Variants in AFG2A observed in about 807,000 individuals in gnomAD.
AFG2A encodes the protein ATPase family gene 2 protein homolog A.
the AFG2A span, among the ~76,000 whole-genome samples, chr4:123,263,716 G>A: frequency 2.6e-5 from 4 of 152,116 alleles, no homozygotes; most frequent in Non-Finnish European, 4.4e-5. Flanking sequence ...AATAATAGAT[G>A]TTGGCGTGGA....
chr4:123,238,358 G>A, the AFG2A span, among the ~76,000 whole-genome samples: 3 of 152,328 alleles, frequency 2.0e-5, no homozygotes, highest in Non-Finnish European at 2.9e-5. Context: ...CTCTGAGAAC[G>A]GACAGACTGC....
At chr4:123,181,790 C>A in the AFG2A span, among the ~76,000 whole-genome samples, 1 of 151,926 alleles carries the variant, frequency 6.6e-6, no homozygotes, top group East Asian at 1.9e-4. Context: ...TCTTCTCTGG[C>A]TATTTTATGA....
the AFG2A span, among the ~76,000 whole-genome samples, chr4:123,209,992 T>C: frequency 0.026 from 3,905 of 152,262 alleles, 187 homozygotes; most frequent in African/African-American, 0.088. Context: ...CCCTAGACTT[T>C]GGTTCCGTCA....
the AFG2A span, among the ~76,000 whole-genome samples, chr4:123,080,436 T>C: frequency 6.6e-6 from 1 of 152,216 alleles, no homozygotes; most frequent in Non-Finnish European, 1.5e-5. Context: ...TTGTTTAAAC[T>C]ACTGAATTTA....
At chr4:123,107,900 C>T in the AFG2A span, among the ~76,000 whole-genome samples, 6 of 152,318 alleles carry the variant, frequency 3.9e-5, no homozygotes, top group South Asian at 2.1e-4. Flanking sequence ...CCAGAGCCTG[C>T]GCCACAATCG....
At chr4:123,033,025 G>A in the AFG2A span, among the ~76,000 whole-genome samples, 8 of 152,122 alleles carry the variant, frequency 5.3e-5, no homozygotes, top group Non-Finnish European at 8.8e-5. Context: ...GTAAATCAAG[G>A]AGCATCTGTA....
chr4:123,134,743 A>G, the AFG2A span, among the ~76,000 whole-genome samples: 1 of 152,104 alleles, frequency 6.6e-6, no homozygotes, highest in Non-Finnish European at 1.5e-5. Context: ...ACCAATAATT[A>G]GTAAGGAGAT....
the AFG2A span, among the ~76,000 whole-genome samples, chr4:123,194,265 A>G: frequency 5.3e-5 from 8 of 152,350 alleles, no homozygotes; most frequent in South Asian, 1.7e-3. Flanking sequence ...TGGAAGAAGA[A>G]TGGTCTTGGG....
the AFG2A span, among the ~76,000 whole-genome samples, chr4:123,005,619 C>T: frequency 6.6e-6 from 1 of 152,164 alleles, no homozygotes; most frequent in Admixed American, 6.5e-5. Flanking sequence ...CTAATCTAGG[C>T]ATTCAAAGCC....
chr4:123,105,896 G>A, the AFG2A span, among the ~76,000 whole-genome samples: 1 of 152,276 alleles, frequency 6.6e-6, no homozygotes, highest in Non-Finnish European at 1.5e-5. Flanking sequence ...GGTAACTGAG[G>A]ATTTAGTATA....
chr4:123,017,640 A>T, the AFG2A span, among the ~76,000 whole-genome samples: 1 of 151,840 alleles, frequency 6.6e-6, no homozygotes, highest in Non-Finnish European at 1.5e-5. Context: ...ATCTTTAGTA[A>T]TTTGGTACAC....
chr4:123,176,267 G>A, the AFG2A span, among the ~76,000 whole-genome samples: 1 of 152,160 alleles, frequency 6.6e-6, no homozygotes, highest in African/African-American at 2.4e-5. Context: ...CTGTCACAGA[G>A]TGGCCTCGTC....
chr4:123,185,674 T>G, the AFG2A span, among the ~76,000 whole-genome samples: 1 of 152,154 alleles, frequency 6.6e-6, no homozygotes, highest in Non-Finnish European at 1.5e-5. Context: ...GATAGATATG[T>G]TTTTTTCTTA....
At chr4:123,002,190 G>T in the AFG2A span, among the ~76,000 whole-genome samples, 1 of 151,624 alleles carries the variant, frequency 6.6e-6, no homozygotes, top group Non-Finnish European at 1.5e-5. Flanking sequence ...TTTTGAGCCT[G>T]TGTGTGTCTC....
At chr4:122,989,644 C>G in the AFG2A span, among the ~76,000 whole-genome samples, 1 of 152,050 alleles carries the variant, frequency 6.6e-6, no homozygotes, top group Non-Finnish European at 1.5e-5. Context: ...AGGCCTAGAG[C>G]CTAAGTCTGC....
At chr4:123,026,950 C>T in the AFG2A span, among the ~76,000 whole-genome samples, 1 of 152,162 alleles carries the variant, frequency 6.6e-6, no homozygotes, top group African/African-American at 2.4e-5. Context: ...TTGTCCGAGT[C>T]TGAATCCTGA....
the AFG2A span, among the ~76,000 whole-genome samples, chr4:123,109,785 C>G: frequency 6.6e-6 from 1 of 152,040 alleles, no homozygotes; most frequent in Non-Finnish European, 1.5e-5. Context: ...GCATTTTTGT[C>G]TATTTTGAGC....
the AFG2A span, among the ~76,000 whole-genome samples, chr4:123,199,476 T>TG: frequency 7.3e-6 from 1 of 137,512 alleles, no homozygotes; most frequent in Non-Finnish European, 1.6e-5. Flanking sequence ...TTTTTTTTTT[T>TG]TTTTTTTTTT....
the AFG2A span, among the ~76,000 whole-genome samples, chr4:123,076,093 C>G: frequency 2.2e-4 from 33 of 151,830 alleles, no homozygotes; most frequent in Non-Finnish European, 3.7e-4. Flanking sequence ...CAACATAAGA[C>G]TCCCATCTCT....
Sources: allele counts gnomAD v4.1 joint callset (sites outside exome capture counted in the v4.1 genomes callset), GRCh38; gene constraint gnomAD v4.1.1; transcripts MANE v1.5; gene names NCBI Gene and HGNC (gene_info 2026-07-23, HGNC 2026-07-21).